The following TTC28 variants were observed in gnomAD, a reference collection of about 807,000 sequenced individuals.
TTC28 encodes the protein tetratricopeptide repeat protein 28.
Under a neutral mutation model 198.0 loss-of-function variants are expected in TTC28, and 61 were observed. The ratio of observed to expected loss-of-function variants is 0.31; its 90% CI spans 0.25 to 0.38. The LOEUF (loss-of-function observed/expected upper bound fraction) is 0.38. Among genes scored for constraint, TTC28 ranks in the 10% least tolerant of loss-of-function variants. The pLI is 1.00. For synonymous variants in TTC28, 1,171 were observed against 1,297.8 expected, an observed-to-expected ratio of 0.90 and a Z score of 2.10; for missense variants, 2,678 against 3,164.0, an observed-to-expected ratio of 0.85 and a Z score of 3.69.
chr22:28,273,554 C>A (rs1300814532), intron 5 of TTC28, among the ~76,000 whole-genome samples: 2 of 151,382 alleles, frequency 1.3e-5, no homozygotes, highest in African/African-American at 4.9e-5. Flanking sequence ...AAAATCTAAG[C>A]TGAAAGACAG....
At chr22:28,394,909 G>GCACACA (rs1311613761) in intron 2 of TTC28, among the ~76,000 whole-genome samples, 2 of 152,070 alleles carry the variant, frequency 1.3e-5, no homozygotes, top group Non-Finnish European at 2.9e-5. Flanking sequence ...CACACACATA[G>GCACACA]TAATACTATG....
rs1395930010 is a variant in TTC28 at position 27,982,837 on chromosome 22, T to C, written c.6830A>G (p.Gln2277Arg). 25 of 1,541,680 alleles carry C rather than the reference T, an allele frequency of 1.6e-5. No individual in the cohort carries two copies. Among genetic ancestry groups the C allele is most frequent in the Non-Finnish European group, 2.2e-5 (25 of 1,141,132 alleles). ...SGRPSPGCDS[Q>R]TSQLDQPLFK... is the part of the protein sequence containing the mutation. The stretch of plus-strand genomic sequence containing the variant: ...GAGAGGCTGGTCCAGCTGGGAAGTC[T>C]GTGAGTCGCAGCCGGGCGATGGCCG... The change falls in exon 23 of 23, where the codon CAG (glutamine) becomes CGG (arginine). Residue 2277 changes from glutamine (Q) to arginine (R), a missense_variant. Coordinates refer to ENST00000397906, the MANE Select transcript of TTC28 (RefSeq NM_001145418.2). This position sits in a 1 kb window ranked among gnomAD's most constrained non-coding sequence, Gnocchi z 5.2.
chr22:28,372,663 C>T (rs1395642033), intron 2 of TTC28, among the ~76,000 whole-genome samples: 2 of 152,014 alleles, frequency 1.3e-5, no homozygotes, highest in African/African-American at 4.8e-5. Flanking sequence ...GCCAGGGACT[C>T]GTAGATGCTG....
chr22:28,426,211 C>CAAAAAA (rs34448246), intron 2 of TTC28, among the ~76,000 whole-genome samples: 1 of 85,666 alleles, frequency 1.2e-5, no homozygotes, highest in Non-Finnish European at 2.3e-5. Context: ...GACTCCACGT[C>CAAAAAA]AAAAAAAAAA....
In TTC28 at chr22:28,003,074, G is replaced by A. The variant is rs931044178; in HGVS notation, c.4219-1521C>T. Among the ~76,000 whole-genome samples the A allele has an allele frequency of 6.6e-5, 10 of 152,192 alleles. No individual in the cohort carries two copies. In the East Asian group the frequency reaches 9.6e-4, roughly 15 times the overall value. On this transcript the variant is annotated intron_variant, in intron 14 of 22. Transcript: ENST00000397906. ...TGTGCAACCTAGGCAGGAAGAAGTA[G>A]GGGTGTGTCACAGTGACCCCGACAC...
intron 12 of TTC28, among the ~76,000 whole-genome samples, chr22:28,082,962 T>A (rs1308615523): frequency 6.6e-6 from 1 of 152,146 alleles, no homozygotes; most frequent in Non-Finnish European, 1.5e-5. Flanking sequence ...TTCTTCATGA[T>A]TCAGTCTTGG....
chr22:28,652,638 C>G (rs572501494), intron 1 of TTC28, among the ~76,000 whole-genome samples: 1 of 152,044 alleles, frequency 6.6e-6, no homozygotes, highest in Non-Finnish European at 1.5e-5. Context: ...TTTTTCAGAC[C>G]AAAATCTTCT....
chr22:28,256,250 C>T (rs972589712), intron 5 of TTC28, among the ~76,000 whole-genome samples: 6 of 151,886 alleles, frequency 4.0e-5, no homozygotes, highest in Admixed American at 2.0e-4. Context: ...AGCGAAACCC[C>T]GTCTCTACTA....
At chr22:28,574,549 C>T (rs1056277891) in intron 2 of TTC28, among the ~76,000 whole-genome samples, 1 of 152,150 alleles carries the variant, frequency 6.6e-6, no homozygotes, top group Non-Finnish European at 1.5e-5. Context: ...CTAGCAATGG[C>T]ATTGCTATAT....
intron 6 of TTC28, among the ~76,000 whole-genome samples, chr22:28,138,071 A>G (rs915668651): frequency 3.3e-5 from 5 of 152,038 alleles, no homozygotes; most frequent in African/African-American, 4.8e-5. Context: ...CATTCAAGGG[A>G]AGGAGAATTA....
At chr22:28,316,514 T>C (rs1182221894) in intron 2 of TTC28, among the ~76,000 whole-genome samples, 1 of 152,168 alleles carries the variant, frequency 6.6e-6, no homozygotes, top group African/African-American at 2.4e-5. Context: ...GTTAAATCTA[T>C]TTGTATTGGT....
intron 6 of TTC28, among the ~76,000 whole-genome samples, chr22:28,129,309 G>A (rs1332301577): frequency 1.3e-5 from 2 of 152,202 alleles, no homozygotes; most frequent in African/African-American, 2.4e-5. Context: ...AAATCCCAAT[G>A]TCAGATCTAG....
intron 2 of TTC28, among the ~76,000 whole-genome samples, chr22:28,615,160 A>C (rs2050882154): frequency 6.6e-6 from 1 of 152,248 alleles, no homozygotes; most frequent in South Asian, 2.1e-4. Flanking sequence ...GACGCTTCTC[A>C]AAAGAAGACA....
chr22:28,170,875 G>A (rs549902006), intron 5 of TTC28, among the ~76,000 whole-genome samples: 2 of 151,870 alleles, frequency 1.3e-5, no homozygotes, highest in African/African-American at 4.8e-5. Flanking sequence ...GGCTCACCCA[G>A]CTCTTCAACC....
At chr22:28,364,052 T>C (rs1015189839) in intron 2 of TTC28, among the ~76,000 whole-genome samples, 16 of 152,164 alleles carry the variant, frequency 1.1e-4, no homozygotes, top group African/African-American at 3.9e-4. Flanking sequence ...TTTTGAAATG[T>C]AGGACATGAG....
chr22:28,069,117 A>G (rs1174452378), intron 12 of TTC28, among the ~76,000 whole-genome samples: 2 of 152,216 alleles, frequency 1.3e-5, no homozygotes, highest in Admixed American at 1.3e-4. Context: ...CTGGAAAGGC[A>G]GTGAGTGAGT....
chr22:28,119,693 A>G (rs554322502), intron 6 of TTC28, among the ~76,000 whole-genome samples: 2 of 152,344 alleles, frequency 1.3e-5, no homozygotes, highest in African/African-American at 4.8e-5. Context: ...AATCCTACAC[A>G]ATGAAAAGAC....
At position 28,101,092 on chromosome 22, in the gene TTC28, T is replaced by A. The variant is rs549479894; in HGVS notation, c.3417+79A>T. On this transcript the variant is annotated intron_variant, in intron 9 of 22. Coordinates refer to ENST00000397906, the MANE Select transcript of TTC28 (RefSeq NM_001145418.2). ...AAGTCAGTGCCTCTTGTAAATGCCA[T>A]CACTACTAGGACAGTAATCCTAAAG... 3.8e-6 allele frequency: 4 copies of A among 1,050,440 alleles called. No homozygotes were observed. In the South Asian group the frequency reaches 6.7e-5, roughly 18 times the overall value. 65.1% of individuals were successfully genotyped at this position (1,050,440 alleles called of 1,614,324 possible). A position where few individuals can be genotyped will look rare whatever the true frequency, so the allele number is the denominator to read the frequency against.
At position 28,398,285 on chromosome 22, in the gene TTC28, G is replaced by A. The variant is rs1275079181; in HGVS notation, c.382-91642C>T. Among the ~76,000 whole-genome samples the A allele has an allele frequency of 3.3e-5, 5 of 151,988 alleles. No homozygotes were observed. The South Asian group carries it at 8.3e-4, about 25-fold the overall frequency. On this transcript the variant is annotated intron_variant, in intron 2 of 22. Transcript: ENST00000397906. ...CCTGTGCTCAGGAGACACAAAGAGG[G>A]GGCCAGAGGGGGCCACTGTGGATTA...
Sources: allele counts gnomAD v4.1 joint callset (sites outside exome capture counted in the v4.1 genomes callset), GRCh38; gene constraint gnomAD v4.1.1; non-coding constraint Gnocchi (gnomAD v3.1); transcripts MANE v1.5; gene names NCBI Gene and HGNC (gene_info 2026-07-23, HGNC 2026-07-21).